Variants in MLN observed in about 807,000 individuals in gnomAD.
The protein encoded by MLN is promotilin.
A neutral mutation model predicts 13.3 loss-of-function variants in MLN; 14 were observed. The observed-to-expected ratio is 1.05, with a 90% confidence interval of 0.69 to 1.64. The LOEUF (loss-of-function observed/expected upper bound fraction) is 1.64, where lower values mean the gene tolerates loss of function less well. Among genes scored for constraint, MLN ranks in the 40% most tolerant of loss-of-function variants. MLN has a pLI of 0.00. For synonymous variants in MLN, 59 were observed against 54.7 expected, an observed-to-expected ratio of 1.08 and a Z score of -0.34; for missense variants, 122 against 142.9, an observed-to-expected ratio of 0.85 and a Z score of 0.75.
At chr6:33,800,053 G>C (rs943585418) in intron 2 of MLN, among the ~76,000 whole-genome samples, 4 of 152,166 alleles carry the variant, frequency 2.6e-5, no homozygotes, top group Non-Finnish European at 5.9e-5. Flanking sequence ...ATGTCTGCTT[G>C]CAGAAGGGGA....
At chr6:33,801,633 A>G (rs573375201) in intron 1 of MLN, among the ~76,000 whole-genome samples, 4 of 152,214 alleles carry the variant, frequency 2.6e-5, no homozygotes. Flanking sequence ...CCAGATGACC[A>G]GGGCTCTGCC....
intron 1 of MLN, among the ~76,000 whole-genome samples, chr6:33,802,515 A>G (rs955247245): frequency 2.0e-5 from 3 of 152,150 alleles, no homozygotes; most frequent in African/African-American, 4.8e-5. Context: ...CCTGCCTCTC[A>G]GCCAAGACCT....
chr6:33,798,829 C>A (rs1347197866), intron 3 of MLN, among the ~76,000 whole-genome samples: 3 of 152,204 alleles, frequency 2.0e-5, no homozygotes, highest in Non-Finnish European at 4.4e-5. Flanking sequence ...CTCCAAGAGG[C>A]CTTCCCTGAC....
In MLN at chr6:33,801,047, C is replaced by T. The variant is rs745944943; in HGVS notation, c.117G>A (p.Gln39=). 3.1e-6 allele frequency: 5 copies of T among 1,612,728 alleles called. No individual in the cohort carries two copies. The East Asian group carries it at 8.9e-5, about 29-fold the overall frequency. ...IFTYGELQRM[Q]EKERNKGQKK... ...AGGGCAGGCAGCAGGGGGTTCTTAC[C>T]TGCATCCTCTGGAGTTCGCCATAGG... is the stretch of plus-strand genomic sequence containing the variant. The change falls in exon 2 of 5, where the codon CAG becomes CAA. Residue 39 remains glutamine (Q), a splice_region_variant and synonymous_variant. Coordinates refer to ENST00000430124, the MANE Select transcript of MLN (RefSeq NM_002418.3).
chr6:33,796,645 C>G (rs1467154544), intron 3 of MLN, among the ~76,000 whole-genome samples: 2 of 152,200 alleles, frequency 1.3e-5, no homozygotes, highest in African/African-American at 4.8e-5. Context: ...CTCCTAGACG[C>G]TTGGGGGCTC....
chr6:33,798,900 T>C (rs560598668), intron 3 of MLN, among the ~76,000 whole-genome samples: 1 of 152,228 alleles, frequency 6.6e-6, no homozygotes, highest in East Asian at 1.9e-4. Flanking sequence ...CTTCCTTATC[T>C]GGTGCCTGAA....
At position 33,803,464 on chromosome 6, in the gene MLN, C is replaced by T. The variant is rs1006915609; in HGVS notation, c.-8+489G>A. ...CTGGGACTACAGGCATGTGCCACCTCGCATGGCTAATTTTTGTATTTTTAG... is the reference window on the plus strand; with the variant it reads ...CTGGGACTACAGGCATGTGCCACCTTGCATGGCTAATTTTTGTATTTTTAG... On this transcript the variant is annotated intron_variant, in intron 1 of 4. Coordinates refer to ENST00000430124, the MANE Select transcript of MLN (RefSeq NM_002418.3). The surrounding 1 kb of genome is among the most constrained non-coding windows in gnomAD (Gnocchi z 4.5). 4.6e-5 allele frequency among the ~76,000 whole-genome samples: 7 copies of T among 152,032 alleles called. No homozygotes were observed. The highest frequency in any genetic ancestry group is 1.7e-4 in the African/African-American group (7 of 41,382).
At chr6:33,794,920 GGGA>G in intron 4 of MLN, 85 bp from the exon 5 acceptor site, 4 of 1,549,832 alleles carry the variant, frequency 2.6e-6, no homozygotes, top group Non-Finnish European at 3.5e-6. Context: ...GCAGGTCGGA[GGGA>G]GGAGGGGGCA....
intron 2 of MLN, among the ~76,000 whole-genome samples, 198 bp downstream of exon 2, chr6:33,800,849 C>G (rs963965745): frequency 2.6e-5 from 4 of 152,174 alleles, no homozygotes; most frequent in Non-Finnish European, 5.9e-5. Context: ...AAAGGATAGG[C>G]AGGGGTGGGA....
In MLN at chr6:33,795,498, C is replaced by G; in HGVS notation, c.337+5G>C. ...AAGCCACAGAGATGCCCGCCCTCCC[C>G]GTACCATGCTGGGGAAGCATCTCAC... On this transcript the variant is annotated splice_donor_5th_base_variant and intron_variant, in intron 4 of 4. Coordinates refer to ENST00000430124, the MANE Select transcript of MLN (RefSeq NM_002418.3). 1.3e-6 allele frequency: 2 copies of G among 1,557,424 alleles called. No individual in the cohort carries two copies. The highest frequency in any genetic ancestry group is 1.2e-5 in the South Asian group (1 of 84,456).
At position 33,795,610 on chromosome 6, in the gene MLN, G is replaced by A. The variant is rs1166206564; in HGVS notation, c.235-5C>T. 6.4e-7 allele frequency: 1 copy of A among 1,553,718 alleles called. No homozygotes were observed. Among genetic ancestry groups the A allele is most frequent in the South Asian group, 1.2e-5 (1 of 84,164 alleles). On this transcript the variant is annotated splice_polypyrimidine_tract_variant and splice_region_variant and intron_variant, in intron 3 of 4. Transcript: ENST00000430124. ...AATTTCCAGAGGAGCAGTCAGCTGT[G>A]AAATAAGGCAGCGTTAACAACGAGG...
chr6:33,796,314 C>T (rs1300429118), intron 3 of MLN, among the ~76,000 whole-genome samples: 1 of 151,650 alleles, frequency 6.6e-6, no homozygotes, highest in Non-Finnish European at 1.5e-5. Flanking sequence ...CAAGGCCGCA[C>T]AGATGGTAAG....
intron 3 of MLN, 127 bp downstream of exon 3, chr6:33,798,978 C>G: frequency 3.3e-6 from 2 of 601,530 alleles, no homozygotes; most frequent in Non-Finnish European, 5.9e-6. Flanking sequence ...GCCTGGATGT[C>G]TTGCTCACTG....
intron 3 of MLN, among the ~76,000 whole-genome samples, chr6:33,795,999 G>A (rs1371207666): frequency 1.5e-5 from 2 of 136,568 alleles, no homozygotes; most frequent in East Asian, 2.1e-4. Context: ...TTGCTCTGTC[G>A]CCCAGGCTGG....
chr6:33,794,842 A>G lies in MLN; in HGVS notation c.338-7T>C. 1.9e-6 allele frequency: 3 copies of G among 1,613,578 alleles called. No individual in the cohort carries two copies. The highest frequency in any genetic ancestry group is 2.5e-6 in the Non-Finnish European group (3 of 1,179,738). On this transcript the variant is annotated splice_polypyrimidine_tract_variant and splice_region_variant and intron_variant, in intron 4 of 4. Coordinates refer to ENST00000430124, the MANE Select transcript of MLN (RefSeq NM_002418.3). The stretch of plus-strand genomic sequence containing the variant: ...CGTGGCCATCACTTGGCTGCTGGAG[A>G]AAAGCAGAGGTTTGCGCTCAGTACC...
At chr6:33,795,204 A>G (rs1028972420) in intron 4 of MLN, among the ~76,000 whole-genome samples, 4 of 152,326 alleles carry the variant, frequency 2.6e-5, no homozygotes, top group African/African-American at 7.2e-5. Flanking sequence ...GGGAAGGGAA[A>G]GCCTCACCAA....
At chr6:33,802,634 A>G (rs1760871710) in intron 1 of MLN, among the ~76,000 whole-genome samples, 1 of 152,096 alleles carries the variant, frequency 6.6e-6, no homozygotes, top group Non-Finnish European at 1.5e-5. Flanking sequence ...CATTTTGTTC[A>G]AACTCCATGA....
intron 1 of MLN, among the ~76,000 whole-genome samples, chr6:33,802,158 T>C (rs1185950705): frequency 6.6e-6 from 1 of 152,106 alleles, no homozygotes; most frequent in Non-Finnish European, 1.5e-5. Context: ...CCAGTGCTTT[T>C]CCCAATACCC....
Position 33,795,397 on chromosome 6 carries a change from G to T in MLN, c.337+106C>A, listed in dbSNP as rs1054529335. 12 of 859,392 alleles carry T rather than the reference G, an allele frequency of 1.4e-5. No homozygotes were observed. The East Asian group carries it at 2.1e-4, about 15-fold the overall frequency. 53.2% of individuals were successfully genotyped at this position (859,392 alleles called of 1,614,324 possible). A position where few individuals can be genotyped will look rare whatever the true frequency, so the allele number is the denominator to read the frequency against. On this transcript the variant is annotated intron_variant, in intron 4 of 4. Transcript: ENST00000430124. ...AGAAGACGGCTCCACATTCTCAAGTGCAAAGCAGCCAAACAAATTGCCACC... is the reference window on the plus strand; with the variant it reads ...AGAAGACGGCTCCACATTCTCAAGTTCAAAGCAGCCAAACAAATTGCCACC...
Sources: gnomAD v4.1 joint callset for allele counts (sites outside exome capture counted in the v4.1 genomes callset) on GRCh38, gnomAD v4.1.1 for gene constraint, Gnocchi (gnomAD v3.1) non-coding constraint, MANE v1.5 for transcripts, NCBI Gene and HGNC (gene_info 2026-07-23, HGNC 2026-07-21) for gene names.